PRKCE: variants seen among roughly 807,000 people sequenced by gnomAD.
PRKCE encodes the protein protein kinase C epsilon.
In PRKCE, 16 loss-of-function variants were observed where a neutral mutation model predicts 85.4. The observed-to-expected ratio is 0.19, with a 90% confidence interval of 0.13 to 0.28. The LOEUF (loss-of-function observed/expected upper bound fraction) is 0.28, where lower values mean the gene tolerates loss of function less well. PRKCE is among the 10% of genes least tolerant of loss of function. The probability of loss-of-function intolerance (pLI) is 1.00; values close to 1 mark genes in which losing one functional copy is unlikely to be tolerated. For synonymous variants in PRKCE, 388 were observed against 371.5 expected (o/e 1.04, Z -0.51); for missense variants, 573 against 975.2 (o/e 0.59, Z 5.49).
intron 2 of PRKCE, among the ~76,000 whole-genome samples, chr2:45,873,571 C>T (rs191180943): frequency 4.6e-5 from 7 of 152,250 alleles, no homozygotes; most frequent in East Asian, 1.9e-4. Context: ...ACTTGTTAGA[C>T]GTAAGTGTAG....
intron 11 of PRKCE, among the ~76,000 whole-genome samples, chr2:46,131,034 C>A (rs1425539253): frequency 6.6e-6 from 1 of 152,192 alleles, no homozygotes; most frequent in Non-Finnish European, 1.5e-5. Context: ...AATATTTCAT[C>A]CACATCTATG....
intron 2 of PRKCE, among the ~76,000 whole-genome samples, chr2:45,964,992 A>G (rs958108533): frequency 6.6e-6 from 1 of 152,198 alleles, no homozygotes; most frequent in Non-Finnish European, 1.5e-5. Context: ...ACAACGGTTC[A>G]TGTTAAACTT....
At chr2:46,007,331 C>T in intron 8 of PRKCE, 131 bp from the exon 9 acceptor site, 2 of 842,276 alleles carry the variant, frequency 2.4e-6, no homozygotes, top group Non-Finnish European at 3.7e-6. Context: ...AAAGGGATGT[C>T]ACACTGGATC....
At chr2:45,765,906 G>A (rs1445695563) in intron 1 of PRKCE, among the ~76,000 whole-genome samples, 2 of 152,198 alleles carry the variant, frequency 1.3e-5, no homozygotes, top group African/African-American at 4.8e-5. Context: ...CTGTCCAAGT[G>A]TAGGAAAGGG....
chr2:45,769,947 G>T (rs982663376), intron 1 of PRKCE, among the ~76,000 whole-genome samples: 3 of 152,298 alleles, frequency 2.0e-5, no homozygotes, highest in African/African-American at 7.2e-5. Flanking sequence ...CTCTTGCCAG[G>T]GTGCAGCAGG....
intron 10 of PRKCE, among the ~76,000 whole-genome samples, chr2:46,061,859 C>CTTTTTCT (rs1667165973): frequency 1.4e-3 from 156 of 107,770 alleles, no homozygotes; most frequent in Middle Eastern, 6.3e-3. Flanking sequence ...TTTTCTTTTT[C>CTTTTTCT]TTTTTTTTTT....
At chr2:46,012,668 C>T (rs1402657551) in intron 10 of PRKCE, among the ~76,000 whole-genome samples, 1 of 152,196 alleles carries the variant, frequency 6.6e-6, no homozygotes, top group African/African-American at 2.4e-5. Context: ...GTTGTGAGGG[C>T]TCTATGGAGC....
intron 14 of PRKCE, among the ~76,000 whole-genome samples, chr2:46,168,943 GT>G (rs1678613781): frequency 6.6e-6 from 1 of 152,206 alleles, no homozygotes; most frequent in Non-Finnish European, 1.5e-5. Context: ...CTAAAGGATG[GT>G]CTGGCTGCCA....
chr2:45,992,716 C>T (rs1366607505), intron 6 of PRKCE, among the ~76,000 whole-genome samples: 2 of 152,184 alleles, frequency 1.3e-5, no homozygotes, highest in Non-Finnish European at 2.9e-5. Flanking sequence ...AGGTTGTCTG[C>T]TTGCTTTGGA....
chr2:45,709,992 G>T (rs1030442908), intron 1 of PRKCE, among the ~76,000 whole-genome samples: 2 of 152,166 alleles, frequency 1.3e-5, no homozygotes, highest in African/African-American at 2.4e-5. Context: ...GTATTATTTA[G>T]TAGAGATGGG....
At chr2:46,122,881 GTTTTTTT>G (rs1244942634) in intron 11 of PRKCE, among the ~76,000 whole-genome samples, 5 of 117,188 alleles carry the variant, frequency 4.3e-5, no homozygotes, top group Admixed American at 9.0e-5. Flanking sequence ...AACAGTCTGG[GTTTTTTT>G]TTTTTTTTTT....
intron 10 of PRKCE, among the ~76,000 whole-genome samples, chr2:46,061,091 CT>C (rs1667073074): frequency 7.2e-6 from 1 of 138,704 alleles, no homozygotes; most frequent in African/African-American, 2.7e-5. Context: ...ATTTTCTTTT[CT>C]TCTTTTTTTT....
At chr2:46,166,563 G>C (rs1678356471) in intron 14 of PRKCE, among the ~76,000 whole-genome samples, 1 of 152,204 alleles carries the variant, frequency 6.6e-6, no homozygotes, top group African/African-American at 2.4e-5. Flanking sequence ...TGAGAGACTT[G>C]GGTTGGAAGA....
intron 1 of PRKCE, among the ~76,000 whole-genome samples, chr2:45,812,744 C>T (rs1012063667): frequency 2.0e-5 from 3 of 152,086 alleles, no homozygotes; most frequent in African/African-American, 4.8e-5. Flanking sequence ...TTAAAGCACC[C>T]GGCAGGGACT....
At chr2:46,018,888 G>T (rs1440536630) in intron 10 of PRKCE, among the ~76,000 whole-genome samples, 1 of 152,240 alleles carries the variant, frequency 6.6e-6, no homozygotes, top group East Asian at 1.9e-4. Context: ...ATCGGGGGTT[G>T]CAGGTGGCTG....
chr2:45,677,843 C>T (rs1676596953), intron 1 of PRKCE: 4 of 985,452 alleles, frequency 4.1e-6, no homozygotes, highest in Non-Finnish European at 4.8e-6. Context: ...GACACAACCG[C>T]TTCAGATGGG....
intron 2 of PRKCE, among the ~76,000 whole-genome samples, chr2:45,932,797 C>G (rs554028442): frequency 6.6e-6 from 1 of 152,198 alleles, no homozygotes; most frequent in African/African-American, 2.4e-5. Context: ...TCTACTCCCC[C>G]CAGCCCCGGG....
chr2:45,956,694 A>T (rs1361201130), intron 2 of PRKCE, among the ~76,000 whole-genome samples: 1 of 152,076 alleles, frequency 6.6e-6, no homozygotes, highest in African/African-American at 2.4e-5. Context: ...CACACAAAGA[A>T]AAAAAAGAAC....
chr2:45,810,603 G>A (rs1688588054), intron 1 of PRKCE, among the ~76,000 whole-genome samples: 1 of 151,860 alleles, frequency 6.6e-6, no homozygotes, highest in Admixed American at 6.6e-5. Flanking sequence ...GTTTTGGGGA[G>A]GACAGGGTCT....
Sources: allele counts gnomAD v4.1 joint callset (sites outside exome capture counted in the v4.1 genomes callset), GRCh38; gene constraint gnomAD v4.1.1; transcripts MANE v1.5; gene names NCBI Gene and HGNC (gene_info 2026-07-23, HGNC 2026-07-21).